Variants in NPSR1 observed in about 807,000 individuals in gnomAD.
NPSR1 encodes the protein neuropeptide S receptor.
NPSR1 carries 48 observed loss-of-function variants against 46.9 expected under a neutral mutation model. The observed-to-expected ratio is 1.02, with a 90% CI of 0.81 to 1.30. NPSR1 has a LOEUF of 1.30. Ranked by LOEUF, NPSR1 falls within the 50% of genes most tolerant of loss-of-function variation. NPSR1 has a pLI of 0.00. For missense variants in NPSR1, 450 were observed against 449.5 expected (o/e 1.00, Z -0.01); for synonymous variants, 176 against 168.1 (o/e 1.05, Z -0.36).
intron 2 of NPSR1, chr7:34,710,843 C>A: frequency 2.0e-6 from 1 of 501,826 alleles, no homozygotes; most frequent in South Asian, 1.6e-5. Flanking sequence ...AGCTGAAGAT[C>A]AAGCACCTGA....
intron 4 of NPSR1, among the ~76,000 whole-genome samples, chr7:34,812,220 A>C (rs1297901692): frequency 6.6e-6 from 1 of 151,922 alleles, no homozygotes; most frequent in African/African-American, 2.4e-5. Flanking sequence ...AAAGAAATGA[A>C]CTCTCCCACA....
intron 3 of NPSR1, among the ~76,000 whole-genome samples, chr7:34,786,125 G>A (rs967893844): frequency 6.6e-6 from 1 of 152,114 alleles, no homozygotes; most frequent in African/African-American, 2.4e-5. Context: ...TTTACCCAGA[G>A]TAGAACTTCT....
At chr7:34,813,922 G>T (rs1009602408) in intron 4 of NPSR1, among the ~76,000 whole-genome samples, 2 of 152,196 alleles carry the variant, frequency 1.3e-5, no homozygotes, top group African/African-American at 4.8e-5. Context: ...GTATACTTAA[G>T]AATTTGCTGG....
intron 2 of NPSR1, among the ~76,000 whole-genome samples, chr7:34,771,777 C>A (rs1267945827): frequency 6.6e-6 from 1 of 152,136 alleles, no homozygotes; most frequent in East Asian, 1.9e-4. Flanking sequence ...AATGTTCTAA[C>A]CTTTCTTATT....
chr7:34,764,630 G>A lies in NPSR1; in HGVS notation c.281-13832G>A, dbSNP rs186723754. ...TTCCCCAAACAAAAAACTTAAGTCA[G>A]TGTGGGAACAAACACTGTTGCCCCA... is the stretch of plus-strand genomic sequence containing the variant. On this transcript the variant is annotated intron_variant, in intron 2 of 8. Coordinates refer to ENST00000360581, the MANE Select transcript of NPSR1 (RefSeq NM_207172.2). Among the ~76,000 whole-genome samples, 3 of 152,308 alleles carry A rather than the reference G, an allele frequency of 2.0e-5. No individual in the cohort carries two copies. The East Asian group carries it at 5.8e-4, about 29-fold the overall frequency.
intron 8 of NPSR1, among the ~76,000 whole-genome samples, chr7:34,873,084 C>G (rs538154558): frequency 6.6e-6 from 1 of 151,812 alleles, no homozygotes. Context: ...AGGGCCTGGA[C>G]AAAATGCAGC....
chr7:34,734,277 T>C (rs1343147476), intron 2 of NPSR1, among the ~76,000 whole-genome samples: 2 of 152,200 alleles, frequency 1.3e-5, no homozygotes, highest in African/African-American at 4.8e-5. Flanking sequence ...GGTATCAATT[T>C]TTTAAAGGTC....
intron 2 of NPSR1, among the ~76,000 whole-genome samples, chr7:34,776,961 C>T (rs1786991850): frequency 6.6e-6 from 1 of 152,168 alleles, no homozygotes; most frequent in South Asian, 2.1e-4. Context: ...CCTTCCTACT[C>T]CTTCCTTCTC....
In NPSR1 at chr7:34,819,306, C is replaced by A. The variant is rs185820957; in HGVS notation, c.478+7443C>A. On this transcript the variant is annotated intron_variant, in intron 4 of 8. Transcript: ENST00000360581. ...AAGACATCTATGCAGCCAACAGACA[C>A]ATGAAAAAATGCTCATCATCACTGA... is the stretch of plus-strand genomic sequence containing the variant. 9.2e-5 allele frequency among the ~76,000 whole-genome samples: 14 copies of A among 152,260 alleles called. No homozygotes were observed. The East Asian group carries it at 2.5e-3, about 27-fold the overall frequency.
intron 1 of NPSR1, among the ~76,000 whole-genome samples, chr7:34,674,930 C>T (rs118112381): frequency 0.014 from 2,113 of 152,294 alleles, 26 homozygotes; most frequent in Middle Eastern, 0.034. Flanking sequence ...GAAGATTTGT[C>T]TCCCCCTTGA....
intron 3 of NPSR1, among the ~76,000 whole-genome samples, chr7:34,783,580 A>T (rs527686807): frequency 8.7e-4 from 132 of 152,294 alleles, no homozygotes; most frequent in Non-Finnish European, 1.4e-3. Flanking sequence ...AGACAAAAAA[A>T]ATATAGATTA....
At chr7:34,755,452 G>C (rs1785781617) in intron 2 of NPSR1, among the ~76,000 whole-genome samples, 1 of 152,178 alleles carries the variant, frequency 6.6e-6, no homozygotes, top group Admixed American at 6.5e-5. Flanking sequence ...CTCAGCATTA[G>C]ATTCAGGAGA....
At chr7:34,674,690 AC>A (rs1224558399) in intron 1 of NPSR1, among the ~76,000 whole-genome samples, 1 of 152,088 alleles carries the variant, frequency 6.6e-6, no homozygotes, top group Non-Finnish European at 1.5e-5. Context: ...CCTAAAACAA[AC>A]CCTGAAAACA....
intron 2 of NPSR1, among the ~76,000 whole-genome samples, chr7:34,706,365 CTG>C (rs1343332045): frequency 3.7e-5 from 2 of 54,322 alleles, no homozygotes; most frequent in Non-Finnish European, 7.5e-5. Context: ...GGAACTCTAA[CTG>C]TCTGTCTATA....
intron 3 of NPSR1, among the ~76,000 whole-genome samples, chr7:34,807,195 T>A (rs911858125): frequency 4.6e-5 from 7 of 152,226 alleles, no homozygotes; most frequent in African/African-American, 1.7e-4. Flanking sequence ...TCTGCTTCAT[T>A]GCTCATTGTT....
At chr7:34,702,293 T>C (rs958859042) in intron 2 of NPSR1, among the ~76,000 whole-genome samples, 12 of 152,194 alleles carry the variant, frequency 7.9e-5, no homozygotes, top group African/African-American at 2.9e-4. Context: ...ACCCATTAGT[T>C]TTTCCTTGCA....
chr7:34,855,543 T>C (rs559761211), intron 8 of NPSR1, among the ~76,000 whole-genome samples: 8 of 152,090 alleles, frequency 5.3e-5, no homozygotes, highest in Non-Finnish European at 1.0e-4. Flanking sequence ...AAAATCAGAA[T>C]AGTAGCATAA....
intron 8 of NPSR1, among the ~76,000 whole-genome samples, chr7:34,860,469 G>C (rs13306995): frequency 6.6e-6 from 1 of 151,730 alleles, no homozygotes; most frequent in Non-Finnish European, 1.5e-5. Context: ...AATATCTTTT[G>C]TATGAAAATA....
chr7:34,846,320 G>A (rs1790739466), intron 7 of NPSR1, among the ~76,000 whole-genome samples: 1 of 152,040 alleles, frequency 6.6e-6, no homozygotes, highest in African/African-American at 2.4e-5. Flanking sequence ...ACCCTCTAGA[G>A]GGTCAGCAAA....
Sources: allele counts gnomAD v4.1 joint callset (sites outside exome capture counted in the v4.1 genomes callset), GRCh38; gene constraint gnomAD v4.1.1; transcripts MANE v1.5; gene names NCBI Gene and HGNC (gene_info 2026-07-23, HGNC 2026-07-21).